The following EIF2AK4 variants were observed in gnomAD, a reference collection of about 807,000 sequenced individuals.
EIF2AK4 encodes the protein eukaryotic translation initiation factor 2 alpha kinase 4, also known as eIF-2-alpha kinase GCN2.
In EIF2AK4, 139 loss-of-function variants were observed where a neutral mutation model predicts 211.1. The ratio of observed to expected loss-of-function variants is 0.66; its 90% CI spans 0.57 to 0.76. The LOEUF (loss-of-function observed/expected upper bound fraction) is 0.76, where lower values mean the gene tolerates loss of function less well. Ranked by LOEUF, EIF2AK4 falls within the 30% of genes least tolerant of loss-of-function variation. The pLI is 0.00. For synonymous variants in EIF2AK4, 710 were observed against 751.3 expected, an observed-to-expected ratio of 0.94 and a Z score of 0.90; for missense variants, 1,664 against 2,043.8, an observed-to-expected ratio of 0.81 and a Z score of 3.58.
At position 40,017,543 on chromosome 15, in the gene EIF2AK4, A is replaced by ATGTATG. The variant is rs1391823952; in HGVS notation, c.4065+302_4065+303insGTATGT. On this transcript the variant is annotated intron_variant, in intron 29 of 38. Coordinates refer to ENST00000263791, the MANE Select transcript of EIF2AK4 (RefSeq NM_001013703.4). ...TATATATATATATATATATATATAT[A>ATGTATG]TATATATATATGTATTTTGGAGACA... Among the ~76,000 whole-genome samples the ATGTATG allele has an allele frequency of 4.0e-3, 166 of 41,694 alleles. 9 individuals carry two copies. Among genetic ancestry groups the ATGTATG allele is most frequent in the Non-Finnish European group, 7.1e-3 (131 of 18,566 alleles). 27.4% of individuals were successfully genotyped at this position (41,694 alleles called of 152,430 possible).
rs770042053 is a variant in EIF2AK4, at chr15:39,934,297, C to T, written c.102C>T (p.Tyr34=). The part of the protein sequence containing the change: ...DHELQALEAI[Y]GADFQDLRPD... ...AGCTACAGGCCCTGGAGGCCATTTA[C>T]GGCGCGGACTTCCAAGACCTGCGGC... Residue 34 remains tyrosine (Y), a synonymous_variant, in exon 1 of 39, where the codon TAC becomes TAT. Coordinates refer to ENST00000263791, the MANE Select transcript of EIF2AK4 (RefSeq NM_001013703.4). 1.2e-5 allele frequency: 20 copies of T among 1,611,892 alleles called. No individual in the cohort carries two copies. Among genetic ancestry groups the T allele is most frequent in the South Asian group, 1.1e-5 (1 of 90,710 alleles).
At chr15:39,962,005 G>A in intron 7 of EIF2AK4, 106 bp downstream of exon 7, 1 of 774,982 alleles carries the variant, frequency 1.3e-6, no homozygotes, top group Non-Finnish European at 2.1e-6. Context: ...TGCAGTCCAA[G>A]GAAGACCATC....
chr15:39,982,214 G>C (rs559429498), intron 13 of EIF2AK4, among the ~76,000 whole-genome samples: 1 of 152,244 alleles, frequency 6.6e-6, no homozygotes, highest in South Asian at 2.1e-4. Flanking sequence ...GTGAGCCATC[G>C]TGCCCAGCCA....
rs1471793806 is a variant in EIF2AK4 at position 39,992,223 on chromosome 15, C to A, written c.2680C>A (p.Pro894Thr). 6.2e-7 allele frequency: 1 copy of A among 1,610,352 alleles called. No individual in the cohort carries two copies. The highest frequency in any genetic ancestry group is 8.5e-7 in the Non-Finnish European group (1 of 1,178,088). The change falls in exon 17 of 39, where the codon CCT becomes ACT. Residue 894 changes from proline to threonine, a missense_variant. Physicochemically the swap from Pro to Thr is conservative, Grantham distance 38. Coordinates refer to ENST00000263791, the MANE Select transcript of EIF2AK4 (RefSeq NM_001013703.4). ...DQTGDLIKSD[P>T]SGHLTGMVGT... is the part of the protein sequence containing the mutation. ...GACAGGAGACTTGATTAAGTCAGAC[C>A]CTTCAGGTAAACCCAGAAGACTATA...
At chr15:39,976,919 CTTTCAT>C in intron 12 of EIF2AK4, 75 bp downstream of exon 12, 1 of 1,364,862 alleles carries the variant, frequency 7.3e-7, no homozygotes, top group Non-Finnish European at 9.5e-7. Context: ...TTCCTTTTTC[CTTTCAT>C]TTCCTTCCTT....
chr15:40,002,827 A>G, intron 22 of EIF2AK4, 39 bp downstream of exon 22: 1 of 1,607,636 alleles, frequency 6.2e-7, no homozygotes, highest in Non-Finnish European at 8.5e-7. Context: ...TTCTTCTCAT[A>G]AGACTTTTTT....
At chr15:39,946,860 C>T in intron 3 of EIF2AK4, 1 of 566,744 alleles carries the variant, frequency 1.8e-6, no homozygotes, top group South Asian at 2.3e-5. Flanking sequence ...TGATCATTAG[C>T]ATTTTTTAGC....
chr15:40,023,417 TTC>T (rs1435696041), intron 32 of EIF2AK4, among the ~76,000 whole-genome samples: 1 of 152,230 alleles, frequency 6.6e-6, no homozygotes, highest in African/African-American at 2.4e-5. Flanking sequence ...TTCTCTCCTC[TTC>T]TGTTTTCTGT....
chr15:39,976,014 TA>T (rs908292370), intron 11 of EIF2AK4, among the ~76,000 whole-genome samples: 8 of 151,474 alleles, frequency 5.3e-5, no homozygotes, highest in African/African-American at 1.7e-4. Flanking sequence ...ACTTTAAGTG[TA>T]AAAAAAAATC....
At chr15:40,007,971 A>T (rs2140937788) in intron 24 of EIF2AK4, 56 bp from the exon 25 acceptor site, 1 of 1,286,798 alleles carries the variant, frequency 7.8e-7, no homozygotes, top group East Asian at 2.7e-5. Flanking sequence ...ACAATTTCTT[A>T]TACATATTTC....
chr15:40,019,022 A>G, intron 29 of EIF2AK4, 71 bp from the exon 30 acceptor site: 1 of 1,150,650 alleles, frequency 8.7e-7, no homozygotes, highest in Non-Finnish European at 1.3e-6. Flanking sequence ...CTCACTCTTT[A>G]ATCATTGTTT....
Position 39,976,661 on chromosome 15 carries a change from A to T in EIF2AK4, c.2066A>T (p.Asp689Val). The T allele has an allele frequency of 1.2e-6, 2 of 1,604,470 alleles. No homozygotes were observed. Among genetic ancestry groups the T allele is most frequent in the Non-Finnish European group, 1.7e-6 (2 of 1,177,702 alleles). ...DRAARGQPAS[D>V]TDGLDSVEAA... ...GCTGCACGCGGGCAGCCGGCGAGCGACACAGACGGCCTGGACAGCGTAGAG... is the reference window on the plus strand; with the variant it reads ...GCTGCACGCGGGCAGCCGGCGAGCGTCACAGACGGCCTGGACAGCGTAGAG... The change falls in exon 12 of 39, where the codon GAC (aspartate) becomes GTC (valine). Residue 689 changes from aspartate to valine, a missense_variant. By Grantham distance (152) the Asp-to-Val change is radical. Transcript: ENST00000263791.
At position 39,988,037 on chromosome 15, in the gene EIF2AK4, C is replaced by T. The variant is rs774163084; in HGVS notation, c.2458C>T (p.Arg820Ter). The change falls in exon 15 of 39, where the codon CGA becomes TGA. Residue 820 changes from arginine (R) to a stop codon, truncating the protein, a stop_gained. Coordinates refer to ENST00000263791, the MANE Select transcript of EIF2AK4 (RefSeq NM_001013703.4). LOFTEE classifies it high-confidence loss of function. ...AGACACCATTGACCAGGGACTGTAT[C>T]GAGACACCGTCAGACTCTGGAGGCT... The part of the protein sequence containing the change: ...LRDTIDQGLY[R>*]DTVRLWRLFR... 2.5e-6 allele frequency: 4 copies of T among 1,614,066 alleles called. No homozygotes were observed. Among genetic ancestry groups the T allele is most frequent in the Non-Finnish European group, 3.4e-6 (4 of 1,179,968 alleles).
chr15:40,011,533 T>A (rs2035235356), intron 27 of EIF2AK4, among the ~76,000 whole-genome samples, 187 bp downstream of exon 27: 1 of 152,224 alleles, frequency 6.6e-6, no homozygotes, highest in South Asian at 2.1e-4. Flanking sequence ...AAACTAATGC[T>A]GTGATCAAAG....
intron 23 of EIF2AK4, among the ~76,000 whole-genome samples, chr15:40,006,698 A>C (rs2035166409): frequency 6.6e-6 from 1 of 152,258 alleles, no homozygotes; most frequent in Non-Finnish European, 1.5e-5. Flanking sequence ...ACTTGCACTA[A>C]TTTTAGTTGG....
At chr15:39,990,435 C>T in intron 16 of EIF2AK4, 58 bp downstream of exon 16, 1 of 1,406,500 alleles carries the variant, frequency 7.1e-7, no homozygotes, top group East Asian at 2.3e-5. Context: ...CTTGATAATC[C>T]TGGAAGTGTT....
intron 13 of EIF2AK4, among the ~76,000 whole-genome samples, chr15:39,983,245 G>A (rs575387240): frequency 1.3e-5 from 2 of 152,274 alleles, no homozygotes; most frequent in South Asian, 4.1e-4. Context: ...ATTCTAACTG[G>A]AGTGAGATAG....
chr15:40,035,124 G>A lies in EIF2AK4; in HGVS notation c.*40G>A, dbSNP rs1461783621. The A allele has an allele frequency of 7.4e-7, 1 of 1,352,376 alleles. No individual in the cohort carries two copies. The highest frequency in any genetic ancestry group is 1.4e-5 in the South Asian group (1 of 70,682). 83.8% of individuals were successfully genotyped at this position (1,352,376 alleles called of 1,614,324 possible). On this transcript the variant is annotated 3_prime_UTR_variant, in exon 39 of 39. Transcript: ENST00000263791. Reference sequence around the variant, plus strand: ...CGTTAACCTCATTCAAACAGACAGAGGCTTATACTGGAATAATGGAATGTT... The same window carrying A: ...CGTTAACCTCATTCAAACAGACAGAAGCTTATACTGGAATAATGGAATGTT...
chr15:39,988,730 G>A (rs956127794), intron 15 of EIF2AK4, among the ~76,000 whole-genome samples: 1 of 152,174 alleles, frequency 6.6e-6, no homozygotes, highest in African/African-American at 2.4e-5. Flanking sequence ...GCCAGGTGCG[G>A]TGGCTCATGC....
Sources: allele counts gnomAD v4.1 joint callset (sites outside exome capture counted in the v4.1 genomes callset), GRCh38; gene constraint gnomAD v4.1.1; transcripts MANE v1.5; gene names NCBI Gene and HGNC (gene_info 2026-07-23, HGNC 2026-07-21).